The following RHOBTB1 variants were observed in gnomAD, a reference collection of about 807,000 sequenced individuals.
The protein encoded by RHOBTB1 is Rho related BTB domain containing 1.
In RHOBTB1, 40 loss-of-function variants were observed where a neutral mutation model predicts 71.6. That is an observed-to-expected ratio of 0.56 (90% CI 0.43 to 0.73). The LOEUF is 0.73. Ranked by LOEUF, RHOBTB1 falls within the 30% of genes least tolerant of loss-of-function variation. The pLI is 0.00. For synonymous variants in RHOBTB1, 319 were observed against 334.9 expected (o/e 0.95, Z 0.52); for missense variants, 797 against 894.0 (o/e 0.89, Z 1.38).
In RHOBTB1 at chr10:60,979,064, C is replaced by T. The variant is rs78547823; in HGVS notation, c.-62+6781G>A. On this transcript the variant is annotated intron_variant, in intron 2 of 11. Coordinates refer to the RHOBTB1 transcript ENST00000357917. Reference sequence around the variant, plus strand: ...ATTATATTTATGGCTTCCTTGTCATCAGTAGGTAGGTATTTTCTCGAACCA... The same window carrying T: ...ATTATATTTATGGCTTCCTTGTCATTAGTAGGTAGGTATTTTCTCGAACCA... Among the ~76,000 whole-genome samples the T allele has an allele frequency of 8.0e-3, 1,225 of 152,210 alleles. 15 individuals are homozygous for T. Among genetic ancestry groups the T allele is most frequent in the Non-Finnish European group, 8.5e-3 (580 of 68,000 alleles).
intron 4 of RHOBTB1, among the ~76,000 whole-genome samples, chr10:60,900,015 G>T (rs943675742): frequency 6.6e-6 from 1 of 152,154 alleles, no homozygotes. Flanking sequence ...AGAGGAAACA[G>T]AGCAAAGGCC....
intron 2 of RHOBTB1, among the ~76,000 whole-genome samples, chr10:60,978,498 T>C (rs1190951906): frequency 6.6e-6 from 1 of 152,158 alleles, no homozygotes; most frequent in Non-Finnish European, 1.5e-5. Context: ...AAGGCTAAGT[T>C]GGGAGAGAGA....
intron 4 of RHOBTB1, among the ~76,000 whole-genome samples, chr10:60,896,686 C>T (rs7074883): frequency 0.016 from 2,423 of 152,216 alleles, 61 homozygotes; most frequent in African/African-American, 0.055. Context: ...CCCTTGCCCA[C>T]GGAATGTTTA....
At chr10:60,866,192 G>C (rs989749555), downstream of RHOBTB1, among the ~76,000 whole-genome samples, 3 of 152,180 alleles carry the variant, frequency 2.0e-5, no homozygotes, top group South Asian at 2.1e-4. Context: ...GTAGCGCCAA[G>C]GAATGGGAAT....
At chr10:60,889,232 A>G (rs2081789169) in intron 5 of RHOBTB1, 47 bp from the exon 6 acceptor site, 3 of 1,532,090 alleles carry the variant, frequency 2.0e-6, no homozygotes, top group East Asian at 4.5e-5. Flanking sequence ...GTTTTAGGAA[A>G]AAAACAGTAA....
intron 6 of RHOBTB1, 87 bp from the exon 7 acceptor site, chr10:60,886,317 C>A: frequency 1.2e-6 from 1 of 866,786 alleles, no homozygotes; most frequent in East Asian, 2.4e-5. Flanking sequence ...CACCAAACTG[C>A]GACTCCCTTA....
At chr10:60,927,494 T>C (rs1046506246) in intron 2 of RHOBTB1, among the ~76,000 whole-genome samples, 2 of 152,038 alleles carry the variant, frequency 1.3e-5, no homozygotes, top group African/African-American at 2.4e-5. Context: ...CAAAAAAGCA[T>C]GGGACAGTCA....
intron 4 of RHOBTB1, among the ~76,000 whole-genome samples, chr10:60,905,316 G>C (rs183511969): frequency 1.4e-4 from 21 of 151,904 alleles, no homozygotes; most frequent in African/African-American, 4.8e-4. Flanking sequence ...TGGGTGTGGT[G>C]GTGGGCACCT....
intron 2 of RHOBTB1, among the ~76,000 whole-genome samples, chr10:60,974,884 G>A (rs147845133): frequency 1.3e-5 from 2 of 152,094 alleles, no homozygotes; most frequent in African/African-American, 4.8e-5. Flanking sequence ...AGAAGGCATC[G>A]TGATGGCATG....
intron 4 of RHOBTB1, among the ~76,000 whole-genome samples, chr10:60,905,584 C>A (rs577044180): frequency 3.4e-5 from 5 of 147,864 alleles, no homozygotes; most frequent in African/African-American, 5.1e-5. Flanking sequence ...GAAAAAAAAA[C>A]CAAAATAGCA....
intron 4 of RHOBTB1, among the ~76,000 whole-genome samples, chr10:60,900,939 C>G (rs57517818): frequency 1.6e-3 from 249 of 152,220 alleles, no homozygotes; most frequent in African/African-American, 5.0e-3. Context: ...TTCATAACAT[C>G]AGAATAATAA....
intron 7 of RHOBTB1, among the ~76,000 whole-genome samples, chr10:60,883,532 C>G (rs549010499): frequency 4.6e-5 from 7 of 152,320 alleles, no homozygotes; most frequent in African/African-American, 1.7e-4. Flanking sequence ...AGGTCCTCTG[C>G]TGCACAATCA....
At chr10:60,872,142 A>G (rs1367763879) in intron 10 of RHOBTB1, 43 bp downstream of exon 10, 2 of 1,369,052 alleles carry the variant, frequency 1.5e-6, no homozygotes, top group Non-Finnish European at 2.1e-6. Flanking sequence ...CTTCCATGAG[A>G]GGTGAGGAGA....
chr10:60,904,107 C>T (rs1357379284), intron 4 of RHOBTB1, among the ~76,000 whole-genome samples: 2 of 152,062 alleles, frequency 1.3e-5, no homozygotes, highest in East Asian at 3.9e-4. Flanking sequence ...CAACACCTGG[C>T]TAATTTTTTG....
At chr10:60,911,999 G>T (rs1189302744) in intron 2 of RHOBTB1, among the ~76,000 whole-genome samples, 2 of 152,054 alleles carry the variant, frequency 1.3e-5, no homozygotes, top group African/African-American at 4.8e-5. Flanking sequence ...TCACAAGATC[G>T]CTCATTAGCC....
chr10:60,893,065 T>C, intron 4 of RHOBTB1, 70 bp from the exon 5 acceptor site: 1 of 1,158,520 alleles, frequency 8.6e-7, no homozygotes, highest in Non-Finnish European at 1.2e-6. Context: ...TTATGGTTCC[T>C]CTCAAACCCC....
chr10:60,896,457 G>C (rs1256169613), intron 4 of RHOBTB1, among the ~76,000 whole-genome samples: 1 of 152,188 alleles, frequency 6.6e-6, no homozygotes, highest in Admixed American at 6.5e-5. Flanking sequence ...ACAGATATTT[G>C]GGGTAAAAAG....
chr10:60,903,115 G>A (rs2082489426), intron 4 of RHOBTB1, among the ~76,000 whole-genome samples: 1 of 152,216 alleles, frequency 6.6e-6, no homozygotes, highest in Non-Finnish European at 1.5e-5. Flanking sequence ...GAGAGGGTGG[G>A]AAGAGTGCAG....
intron 5 of RHOBTB1, among the ~76,000 whole-genome samples, chr10:60,891,554 C>T (rs2081920898): frequency 1.3e-5 from 2 of 151,652 alleles, no homozygotes; most frequent in East Asian, 3.9e-4. Context: ...CACTATGTTG[C>T]CCAGGCTGGT....
Sources: allele counts gnomAD v4.1 joint callset (sites outside exome capture counted in the v4.1 genomes callset), GRCh38; gene constraint gnomAD v4.1.1; transcripts MANE v1.5; gene names NCBI Gene and HGNC (gene_info 2026-07-23, HGNC 2026-07-21).